Variants in FOXP1 observed in about 807,000 individuals in gnomAD.
FOXP1 encodes the protein forkhead box P1, also known as forkhead box protein P1.
In FOXP1, 15 loss-of-function variants were observed where a neutral mutation model predicts 98.2. That is an observed-to-expected ratio of 0.15 (90% CI 0.10 to 0.24). The LOEUF (loss-of-function observed/expected upper bound fraction) is 0.24, where lower values mean the gene tolerates loss of function less well. Ranked by LOEUF, FOXP1 falls within the 10% of genes least tolerant of loss-of-function variation. FOXP1 has a pLI of 1.00. For missense variants in FOXP1, 633 were observed against 848.5 expected, an observed-to-expected ratio of 0.75 and a Z score of 3.15; for synonymous variants, 371 against 314.5, an observed-to-expected ratio of 1.18 and a Z score of -1.90.
At chr3:71,072,294 A>G (rs1204660096) in intron 7 of FOXP1, among the ~76,000 whole-genome samples, 1 of 152,198 alleles carries the variant, frequency 6.6e-6, no homozygotes, top group East Asian at 1.9e-4. Context: ...ACTGTACTCC[A>G]CAGCCTGGGC....
intron 12 of FOXP1, among the ~76,000 whole-genome samples, chr3:71,002,266 G>A (rs977356904): frequency 6.6e-6 from 1 of 152,092 alleles, no homozygotes; most frequent in African/African-American, 2.4e-5. Flanking sequence ...TACTTGTAAT[G>A]ACTTTTACCT....
chr3:71,335,922 G>A (rs1195783783), intron 4 of FOXP1, among the ~76,000 whole-genome samples: 2 of 148,762 alleles, frequency 1.3e-5, no homozygotes, highest in Non-Finnish European at 3.0e-5. Flanking sequence ...GGAGACTCAG[G>A]CGGGGGTGGA....
chr3:71,180,579 AG>A (rs2062232238), intron 6 of FOXP1, among the ~76,000 whole-genome samples: 1 of 152,206 alleles, frequency 6.6e-6, no homozygotes, highest in Non-Finnish European at 1.5e-5. Context: ...AAAACATGGT[AG>A]ATTTTTTTCT....
chr3:71,583,500 T>C, intron 1 of FOXP1, 71 bp downstream of exon 1: 1 of 983,374 alleles, frequency 1.0e-6, no homozygotes, highest in Non-Finnish European at 1.2e-6. Context: ...TGTTGTTGTT[T>C]AAAGTGGCGG....
intron 4 of FOXP1, among the ~76,000 whole-genome samples, chr3:71,327,944 C>T (rs1322141273): frequency 6.6e-6 from 1 of 152,112 alleles, no homozygotes; most frequent in Admixed American, 6.5e-5. Context: ...CCAGGGTATT[C>T]CCCCAACCTC....
At chr3:71,492,246 G>C (rs1459989596) in intron 3 of FOXP1, among the ~76,000 whole-genome samples, 1 of 152,126 alleles carries the variant, frequency 6.6e-6, no homozygotes, top group African/African-American at 2.4e-5. Flanking sequence ...GAGGTCAGGA[G>C]TTTGAGACCA....
intron 6 of FOXP1, among the ~76,000 whole-genome samples, chr3:71,115,914 T>C (rs2058341428): frequency 6.6e-6 from 1 of 151,954 alleles, no homozygotes; most frequent in South Asian, 2.1e-4. Flanking sequence ...CTTTTGTATT[T>C]TTAGTAGAGG....
Position 71,397,017 on chromosome 3 carries a change from T to TACACAC in FOXP1, c.-167-37774_-167-37773insGTGTGT, listed in dbSNP as rs1560425135. ...ATACACATATATATGTGTATATATA[T>TACACAC]ATATATACATATATATGTGTATATA... On this transcript the variant is annotated intron_variant, in intron 3 of 20. Coordinates refer to ENST00000649528, the MANE Select transcript of FOXP1 (RefSeq NM_001349338.3). Among the ~76,000 whole-genome samples, 12 of 89,300 alleles carry TACACAC rather than the reference T, an allele frequency of 1.3e-4. 3 individuals carry two copies. Among genetic ancestry groups the TACACAC allele is most frequent in the Non-Finnish European group, 2.4e-4 (11 of 46,228 alleles). The allele number at this position is 89,300 out of a possible 152,430, so 58.6% of individuals were successfully genotyped here.
At chr3:71,520,365 G>A (rs2042889949) in intron 2 of FOXP1, among the ~76,000 whole-genome samples, 2 of 152,112 alleles carry the variant, frequency 1.3e-5, no homozygotes, top group Non-Finnish European at 2.9e-5. Context: ...CATGAAACTG[G>A]CTGACCCCTT....
At chr3:70,966,159 A>G in intron 19 of FOXP1, 103 bp from the exon 20 acceptor site, 1 of 1,064,794 alleles carries the variant, frequency 9.4e-7, no homozygotes, top group East Asian at 2.4e-5. Flanking sequence ...AGTTAATTGT[A>G]GCATGGCTGG....
At chr3:71,194,624 AT>A (rs1040802051) in intron 6 of FOXP1, among the ~76,000 whole-genome samples, 9 of 152,114 alleles carry the variant, frequency 5.9e-5, no homozygotes, top group Non-Finnish European at 1.2e-4. Flanking sequence ...TGCTAATAGT[AT>A]TTGTTGCTGA....
chr3:71,026,483 T>A (rs2046134820), intron 11 of FOXP1, among the ~76,000 whole-genome samples: 1 of 152,168 alleles, frequency 6.6e-6, no homozygotes, highest in Non-Finnish European at 1.5e-5. Context: ...AGCCTCACGG[T>A]CGTTCTGGAC....
chr3:71,512,699 A>G (rs1227075557), intron 2 of FOXP1, among the ~76,000 whole-genome samples: 2 of 152,218 alleles, frequency 1.3e-5, no homozygotes, highest in East Asian at 3.9e-4. Flanking sequence ...ACTACCCAGT[A>G]GAGTAGAAAG....
At chr3:71,535,714 A>T in intron 2 of FOXP1, among the ~76,000 whole-genome samples, 1 of 151,848 alleles carries the variant, frequency 6.6e-6, no homozygotes, top group Non-Finnish European at 1.5e-5. Flanking sequence ...ACAGAGGGAG[A>T]CTCTGTCTCA....
intron 4 of FOXP1, among the ~76,000 whole-genome samples, chr3:71,328,995 A>G (rs1199947485): frequency 6.6e-6 from 1 of 150,476 alleles, no homozygotes; most frequent in Non-Finnish European, 1.5e-5. Context: ...AAAAACAAAA[A>G]AAAAAAAACT....
At chr3:71,152,449 C>T (rs1349169225) in intron 6 of FOXP1, among the ~76,000 whole-genome samples, 1 of 152,172 alleles carries the variant, frequency 6.6e-6, no homozygotes, top group Non-Finnish European at 1.5e-5. Context: ...ATTTATTACG[C>T]AGCAATGGAA....
intron 5 of FOXP1, among the ~76,000 whole-genome samples, chr3:71,279,103 G>A (rs1424951237): frequency 7.3e-6 from 1 of 137,852 alleles, no homozygotes; most frequent in African/African-American, 2.7e-5. Context: ...AGAGTCAGGA[G>A]AATTGCTTGA....
intron 5 of FOXP1, among the ~76,000 whole-genome samples, chr3:71,230,935 A>G (rs927314244): frequency 6.6e-6 from 1 of 152,190 alleles, no homozygotes; most frequent in African/African-American, 2.4e-5. Flanking sequence ...TTTGAGATAC[A>G]CCTACAAGTA....
intron 2 of FOXP1, among the ~76,000 whole-genome samples, chr3:71,555,786 A>G (rs1161080611): frequency 1.3e-5 from 2 of 152,236 alleles, no homozygotes; most frequent in Non-Finnish European, 2.9e-5. Flanking sequence ...AAAATCCATT[A>G]TAGAGAAGTA....
Sources: allele counts gnomAD v4.1 joint callset (sites outside exome capture counted in the v4.1 genomes callset), GRCh38; gene constraint gnomAD v4.1.1; transcripts MANE v1.5; gene names NCBI Gene and HGNC (gene_info 2026-07-23, HGNC 2026-07-21).